EPSTI1: variants seen among roughly 807,000 people sequenced by gnomAD.
EPSTI1 encodes epithelial-stromal interaction protein 1.
A neutral mutation model predicts 49.9 loss-of-function variants in EPSTI1; 66 were observed. The ratio of observed to expected loss-of-function variants is 1.32; its 90% confidence interval spans 1.08 to 1.62. EPSTI1 has a LOEUF of 1.62. Ranked by LOEUF, EPSTI1 falls within the 40% of genes most tolerant of loss-of-function variation. The pLI is 0.00. For synonymous variants in EPSTI1, 137 were observed against 130.7 expected, an observed-to-expected ratio of 1.05 and a Z score of -0.33; for missense variants, 394 against 365.5, an observed-to-expected ratio of 1.08 and a Z score of -0.64.
intron 3 of EPSTI1, among the ~76,000 whole-genome samples, chr13:42,968,326 G>T (rs893712267): frequency 6.8e-6 from 1 of 146,630 alleles, no homozygotes; most frequent in Non-Finnish European, 1.5e-5. Context: ...TGTTCTTGGT[G>T]GGGGGGCAGG....
intron 9 of EPSTI1, among the ~76,000 whole-genome samples, chr13:42,899,695 C>G (rs944804208): frequency 2.6e-5 from 4 of 152,120 alleles, no homozygotes; most frequent in Non-Finnish European, 5.9e-5. Flanking sequence ...CTCGTGTCCC[C>G]CTAGAAATCT....
chr13:42,896,599 C>T (rs2037195823), intron 9 of EPSTI1, among the ~76,000 whole-genome samples: 1 of 152,174 alleles, frequency 6.6e-6, no homozygotes, highest in African/African-American at 2.4e-5. Flanking sequence ...ATATCTTCAC[C>T]TTGCTAGTGC....
chr13:42,919,293 T>G (rs1460841271), intron 7 of EPSTI1: 1 of 1,613,562 alleles, frequency 6.2e-7, no homozygotes. Flanking sequence ...TCCTAATGTT[T>G]GCTTACCCAG....
At chr13:42,923,697 A>T (rs967412976) in intron 7 of EPSTI1, among the ~76,000 whole-genome samples, 1 of 152,250 alleles carries the variant, frequency 6.6e-6, no homozygotes, top group Non-Finnish European at 1.5e-5. Context: ...CACACAATAC[A>T]GAGAACTATA....
intron 8 of EPSTI1, among the ~76,000 whole-genome samples, chr13:42,903,414 G>A (rs1486006063): frequency 1.3e-5 from 2 of 152,162 alleles, no homozygotes; most frequent in Non-Finnish European, 2.9e-5. Flanking sequence ...GCCTGTTGGA[G>A]TGGAGGATGC....
chr13:42,946,294 A>C (rs1467290768), intron 6 of EPSTI1, among the ~76,000 whole-genome samples: 1 of 152,224 alleles, frequency 6.6e-6, no homozygotes, highest in Non-Finnish European at 1.5e-5. Context: ...AAAACTTTCC[A>C]ATATTACAAT....
intron 7 of EPSTI1, among the ~76,000 whole-genome samples, chr13:42,918,012 C>T (rs527788164): frequency 9.9e-4 from 150 of 152,280 alleles, no homozygotes; most frequent in African/African-American, 3.5e-3. Flanking sequence ...AATAGTGGCA[C>T]TGTCTTTAGA....
rs185124433 is a variant in EPSTI1 at position 42,961,392 on chromosome 13, G to A, written c.489+1863C>T. Among the ~76,000 whole-genome samples the A allele has an allele frequency of 8.8e-4, 134 of 152,282 alleles. 1 individual carries two copies. The highest frequency in any genetic ancestry group is 3.2e-3 in the African/African-American group (132 of 41,552). On this transcript the variant is annotated intron_variant, in intron 5 of 10. Transcript: ENST00000313624. ...GTGACAATTCCCACAGTACAAGGCA[G>A]TACAAGGAAGCTACAGAACATCACT...
intron 5 of EPSTI1, among the ~76,000 whole-genome samples, chr13:42,957,198 T>G (rs1166535457): frequency 6.6e-6 from 1 of 152,228 alleles, no homozygotes; most frequent in Non-Finnish European, 1.5e-5. Flanking sequence ...AGTCTAAGAT[T>G]ACTATCATTT....
At chr13:42,991,952 C>A in intron 1 of EPSTI1, 26 bp downstream of exon 1, 1 of 1,611,986 alleles carries the variant, frequency 6.2e-7, no homozygotes, top group Admixed American at 1.7e-5. Flanking sequence ...GCTCCCGCCC[C>A]GAAGCCAGGT....
In EPSTI1 at chr13:42,944,942, TCTTC is replaced by T. The variant is rs1229461197; in HGVS notation, c.563+9002_563+9005del. Among the ~76,000 whole-genome samples, 4 of 152,292 alleles carry T rather than the reference TCTTC, an allele frequency of 2.6e-5. No homozygotes were observed. The East Asian group carries it at 7.7e-4, about 29-fold the overall frequency. The stretch of plus-strand genomic sequence containing the variant: ...AATTACAGCATGAGTCTCACTCTGG[TCTTC>T]CTTCCTTCTAGATAGAATTGATTAA... On this transcript the variant is annotated intron_variant, in intron 6 of 10. Coordinates refer to ENST00000313624, the MANE Select transcript of EPSTI1 (RefSeq NM_033255.5).
chr13:42,944,870 A>G (rs2038873160), intron 6 of EPSTI1, among the ~76,000 whole-genome samples: 1 of 152,208 alleles, frequency 6.6e-6, no homozygotes, highest in Non-Finnish European at 1.5e-5. Flanking sequence ...ATAGTGACCA[A>G]AGATCCCAAA....
chr13:42,954,117 C>T (rs2039187552), intron 5 of EPSTI1, 96 bp from the exon 6 acceptor site: 10 of 1,008,128 alleles, frequency 9.9e-6, no homozygotes, highest in Non-Finnish European at 1.5e-5. Context: ...TAAGGTTCAA[C>T]TGGCCTTGAT....
intron 8 of EPSTI1, among the ~76,000 whole-genome samples, chr13:42,917,209 T>A (rs1219311018): frequency 1.3e-5 from 2 of 152,172 alleles, no homozygotes; most frequent in Non-Finnish European, 2.9e-5. Context: ...ATTTCATATA[T>A]CTTCGGTTTA....
At chr13:42,982,743 G>A (rs1173032835) in intron 1 of EPSTI1, among the ~76,000 whole-genome samples, 1 of 152,160 alleles carries the variant, frequency 6.6e-6, no homozygotes, top group Admixed American at 6.5e-5. Flanking sequence ...ACAGCAAAAG[G>A]AGGAAAGCCT....
chr13:42,922,469 C>T lies in EPSTI1; in HGVS notation c.657+3867G>A, dbSNP rs765049683. Among the ~76,000 whole-genome samples the T allele has an allele frequency of 4.6e-5, 7 of 152,080 alleles. No homozygotes were observed. The highest frequency in any genetic ancestry group is 1.5e-5 in the Non-Finnish European group (1 of 68,030). On this transcript the variant is annotated intron_variant, in intron 7 of 10. Coordinates refer to ENST00000313624, the MANE Select transcript of EPSTI1 (RefSeq NM_033255.5). The surrounding 1 kb of genome is among the most constrained non-coding windows in gnomAD (Gnocchi z 4.8). ...AAACTGGAGCCATGCAGCCGTGTGC[C>T]AAGGGTTTGCGGGGACAGGGGACAG...
chr13:42,900,393 A>T lies in EPSTI1; in HGVS notation c.742-10T>A, dbSNP rs781615402. 1.9e-6 allele frequency: 3 copies of T among 1,613,140 alleles called. No individual in the cohort carries two copies. Among genetic ancestry groups the T allele is most frequent in the South Asian group, 2.2e-5 (2 of 91,012 alleles). ...GTTCCAGTAATTCACTCTAGGAACA[A>T]TAAAAGTTTTAAAATATGGTTTTCA... is the stretch of plus-strand genomic sequence containing the variant. On this transcript the variant is annotated splice_polypyrimidine_tract_variant and intron_variant, in intron 8 of 10. Coordinates refer to ENST00000313624, the MANE Select transcript of EPSTI1 (RefSeq NM_033255.5).
chr13:42,919,969 C>T (rs984947398), intron 7 of EPSTI1, among the ~76,000 whole-genome samples: 1 of 152,158 alleles, frequency 6.6e-6, no homozygotes, highest in Non-Finnish European at 1.5e-5. Flanking sequence ...TGAGAAATAT[C>T]TTTTCCAGGC....
chr13:42,918,350 T>C (rs747543218), intron 7 of EPSTI1, among the ~76,000 whole-genome samples: 5 of 152,170 alleles, frequency 3.3e-5, no homozygotes, highest in Admixed American at 6.5e-5. Flanking sequence ...ATGCTTTCTC[T>C]CCTTCACATT....
Sources: gnomAD v4.1 joint callset for allele counts (sites outside exome capture counted in the v4.1 genomes callset) on GRCh38, gnomAD v4.1.1 for gene constraint, Gnocchi (gnomAD v3.1) non-coding constraint, MANE v1.5 for transcripts, NCBI Gene and HGNC (gene_info 2026-07-23, HGNC 2026-07-21) for gene names.